PRR5L: variants seen among roughly 807,000 people sequenced by gnomAD.
PRR5L encodes proline-rich protein 5-like.
In PRR5L, 21 loss-of-function variants were observed where a neutral mutation model predicts 36.4. That is an observed-to-expected ratio of 0.58 (90% confidence interval 0.41 to 0.83). PRR5L has a LOEUF of 0.83. Ranked by LOEUF, PRR5L falls within the 40% of genes least tolerant of loss-of-function variation. The probability of loss-of-function intolerance (pLI) is 0.00; values close to 1 mark genes in which losing one functional copy is unlikely to be tolerated. For synonymous variants in PRR5L, 188 were observed against 197.0 expected, an observed-to-expected ratio of 0.95 and a Z score of 0.38; for missense variants, 381 against 473.3, an observed-to-expected ratio of 0.80 and a Z score of 1.81.
rs367758684 is a variant in PRR5L at position 36,338,215 on chromosome 11, A to G, written c.-126+41777A>G. On this transcript the variant is annotated intron_variant, in intron 1 of 8. Coordinates refer to ENST00000530639, the MANE Select transcript of PRR5L (RefSeq NM_001160167.2). ...CATTGAAGGCCTTTCTCAATCAAGT[A>G]TCAACCCAGCTTTTCAGGTTTCCTT... Among the ~76,000 whole-genome samples, 41 of 152,346 alleles carry G rather than the reference A, an allele frequency of 2.7e-4. No homozygotes were observed. In the East Asian group the frequency reaches 4.2e-3, roughly 16 times the overall value.
intron 1 of PRR5L, among the ~76,000 whole-genome samples, chr11:36,316,675 C>T (rs1422269843): frequency 6.6e-6 from 1 of 152,134 alleles, no homozygotes; most frequent in African/African-American, 2.4e-5. Flanking sequence ...ATCTCAAGCA[C>T]TGATCTTAGG....
chr11:36,448,329 G>A (rs907871084), intron 7 of PRR5L, among the ~76,000 whole-genome samples: 3 of 152,002 alleles, frequency 2.0e-5, no homozygotes, highest in African/African-American at 4.8e-5. Flanking sequence ...GTTTCCAATC[G>A]ATCTTAGAAA....
chr11:36,301,411 C>T (rs1856375161), intron 1 of PRR5L, among the ~76,000 whole-genome samples: 1 of 152,110 alleles, frequency 6.6e-6, no homozygotes, highest in Non-Finnish European at 1.5e-5. Flanking sequence ...AAGGGCAGAA[C>T]CGAAGCCCTG....
intron 1 of PRR5L, among the ~76,000 whole-genome samples, chr11:36,323,760 C>T (rs1419386929): frequency 2.6e-5 from 4 of 152,192 alleles, no homozygotes; most frequent in African/African-American, 7.2e-5. Flanking sequence ...TTGTGAGCAC[C>T]AGTAATCCCA....
At chr11:36,336,479 C>T (rs2133476476) in intron 1 of PRR5L, among the ~76,000 whole-genome samples, 1 of 151,186 alleles carries the variant, frequency 6.6e-6, no homozygotes, top group African/African-American at 2.4e-5. Flanking sequence ...ATCTGCCTGC[C>T]TCTGCCTCCC....
chr11:36,440,066 C>G (rs1443397926), intron 6 of PRR5L, among the ~76,000 whole-genome samples: 2 of 152,162 alleles, frequency 1.3e-5, no homozygotes, highest in African/African-American at 4.8e-5. Flanking sequence ...AAATGACCCT[C>G]TAAGAAAGCA....
rs1565424743 is a variant in PRR5L at position 36,374,095 on chromosome 11, TTC to T, written c.-125-26901_-125-26900del. The stretch of plus-strand genomic sequence containing the variant: ...CTTCCTTCCTTCCTTCCTTCCTTCC[TTC>T]CTTCCTTCCTCTCTCTCTCTCTCTC... On this transcript the variant is annotated intron_variant, in intron 1 of 8. Transcript: ENST00000530639. Among the ~76,000 whole-genome samples the T allele has an allele frequency of 1.2e-3, 138 of 119,774 alleles. 1 individual carries two copies. The highest frequency in any genetic ancestry group is 4.6e-3 in the African/African-American group (130 of 28,554). The allele number at this position is 119,774 out of a possible 152,430, so 78.6% of individuals were successfully genotyped here.
chr11:36,387,533 G>C (rs1183477766), intron 1 of PRR5L, among the ~76,000 whole-genome samples: 2 of 152,220 alleles, frequency 1.3e-5, no homozygotes, highest in South Asian at 2.1e-4. Flanking sequence ...ATGGTTCTGA[G>C]TTTGTATTGT....
chr11:36,366,561 G>C (rs1018667286), intron 1 of PRR5L, among the ~76,000 whole-genome samples: 35 of 152,240 alleles, frequency 2.3e-4, no homozygotes, highest in African/African-American at 8.4e-4. Flanking sequence ...TTTTGCTAAA[G>C]AGATAATTTA....
chr11:36,450,659 C>T (rs1299423554), intron 7 of PRR5L, among the ~76,000 whole-genome samples: 1 of 152,172 alleles, frequency 6.6e-6, no homozygotes, highest in Non-Finnish European at 1.5e-5. Flanking sequence ...TCTTTTCTAG[C>T]CTGTTAGCAA....
chr11:36,401,428 T>C lies in PRR5L; in HGVS notation c.164+143T>C, dbSNP rs938519800. ...AATAATGACGAGAGCAAATTTTCTT[T>C]TTTTCCTTTTTTAAGAGACAGGGTC... On this transcript the variant is annotated intron_variant, in intron 2 of 8. Coordinates refer to ENST00000530639, the MANE Select transcript of PRR5L (RefSeq NM_001160167.2). 17 of 763,350 alleles carry C rather than the reference T, an allele frequency of 2.2e-5. No homozygotes were observed. The African/African-American group carries it at 2.6e-4, about 12-fold the overall frequency. The allele number at this position is 763,350 out of a possible 1,614,324, so 47.3% of individuals were successfully genotyped here.
Position 36,351,210 on chromosome 11 carries a change from ATATATAAATATATATATT to A in PRR5L, c.-125-49780_-125-49763del, listed in dbSNP as rs1444847655. ...TATTATTAATATATTAATAATATAA[ATATATAAATATATATATT>A]TATATATATTTATATATATTTTTAT... On this transcript the variant is annotated intron_variant, in intron 1 of 8. Transcript: ENST00000530639. Among the ~76,000 whole-genome samples, 140 of 86,610 alleles carry A rather than the reference ATATATAAATATATATATT, an allele frequency of 1.6e-3. 1 individual carries two copies. Among genetic ancestry groups the A allele is most frequent in the African/African-American group, 6.5e-3 (138 of 21,106 alleles). The allele number at this position is 86,610 out of a possible 152,430, so 56.8% of individuals were successfully genotyped here.
intron 1 of PRR5L, among the ~76,000 whole-genome samples, chr11:36,320,488 C>T (rs568905592): frequency 1.3e-5 from 2 of 152,014 alleles, no homozygotes; most frequent in South Asian, 2.1e-4. Context: ...TATTCATCAT[C>T]TTGCCTGTTA....
intron 8 of PRR5L, among the ~76,000 whole-genome samples, chr11:36,453,100 T>C (rs886137087): frequency 6.6e-6 from 1 of 152,250 alleles, no homozygotes; most frequent in Non-Finnish European, 1.5e-5. Flanking sequence ...CTTGTTCATG[T>C]AGGTTTCTCT....
At chr11:36,419,385 T>C (rs920703924) in intron 4 of PRR5L, 82 bp downstream of exon 4, 4 of 1,215,618 alleles carry the variant, frequency 3.3e-6, no homozygotes, top group South Asian at 2.4e-5. Context: ...TACTGTACAG[T>C]TGGACATTCC....
intron 4 of PRR5L, among the ~76,000 whole-genome samples, chr11:36,430,951 A>G (rs1183882501): frequency 3.3e-5 from 5 of 152,238 alleles, no homozygotes; most frequent in African/African-American, 1.2e-4. Context: ...GGTAAGATAC[A>G]TATCACCTTT....
At chr11:36,357,256 G>T (rs541787356) in intron 1 of PRR5L, among the ~76,000 whole-genome samples, 57 of 152,312 alleles carry the variant, frequency 3.7e-4, no homozygotes, top group African/African-American at 1.3e-3. Flanking sequence ...GCTACAGGAG[G>T]TTGGTTCATG....
chr11:36,414,635 G>T (rs905380836), intron 3 of PRR5L, among the ~76,000 whole-genome samples: 3 of 141,262 alleles, frequency 2.1e-5, no homozygotes, highest in Non-Finnish European at 4.6e-5. Flanking sequence ...TGAGTAGGTT[G>T]TGAAAATTTT....
intron 1 of PRR5L, among the ~76,000 whole-genome samples, chr11:36,337,083 G>T (rs1055637283): frequency 6.6e-6 from 1 of 152,100 alleles, no homozygotes; most frequent in Admixed American, 6.5e-5. Context: ...GGCCATAAAG[G>T]TTGTTGCTAA....
Sources: allele counts gnomAD v4.1 joint callset (sites outside exome capture counted in the v4.1 genomes callset), GRCh38; gene constraint gnomAD v4.1.1; transcripts MANE v1.5; gene names NCBI Gene and HGNC (gene_info 2026-07-23, HGNC 2026-07-21).